The following UBXN2B variants were observed in gnomAD, a reference collection of about 807,000 sequenced individuals.
UBXN2B encodes UBX domain protein 2B.
A neutral mutation model predicts 37.5 loss-of-function variants in UBXN2B; 19 were observed. That is an observed-to-expected ratio of 0.51 (90% CI 0.35 to 0.74). The LOEUF (loss-of-function observed/expected upper bound fraction) is 0.74. Among genes scored for constraint, UBXN2B ranks in the 30% least tolerant of loss-of-function variants. The pLI, the probability that UBXN2B is intolerant of heterozygous loss-of-function variation, is 0.01. For synonymous variants in UBXN2B, 145 were observed against 143.8 expected, an observed-to-expected ratio of 1.01 and a Z score of -0.06; for missense variants, 370 against 393.2, an observed-to-expected ratio of 0.94 and a Z score of 0.50.
intron 2 of UBXN2B, among the ~76,000 whole-genome samples, chr8:58,430,113 G>GATCTAACTAGATCTAGATCTAAAGATC (rs1808204830): frequency 6.6e-6 from 1 of 152,140 alleles, no homozygotes; most frequent in Non-Finnish European, 1.5e-5. Flanking sequence ...TAAAGATCTC[G>GATCTAACTAGATCTAGATCTAAAGATC]TCACTAACTA....
At chr8:58,428,855 G>T (rs544744845) in intron 2 of UBXN2B, among the ~76,000 whole-genome samples, 1 of 152,332 alleles carries the variant, frequency 6.6e-6, no homozygotes, top group South Asian at 2.1e-4. Flanking sequence ...TGACAGTGCA[G>T]AGCAGTGAGG....
intron 4 of UBXN2B, among the ~76,000 whole-genome samples, chr8:58,433,674 G>A (rs943289934): frequency 4.0e-5 from 6 of 150,416 alleles, no homozygotes; most frequent in African/African-American, 7.3e-5. Flanking sequence ...AGTGGCTCAC[G>A]CCTATAATCC....
At chr8:58,434,813 G>A in intron 5 of UBXN2B, 1 of 1,534,840 alleles carries the variant, frequency 6.5e-7, no homozygotes, top group Non-Finnish European at 8.7e-7. Flanking sequence ...TAATTAGTAT[G>A]TAGCTGCCCA....
intron 5 of UBXN2B, among the ~76,000 whole-genome samples, chr8:58,435,487 G>T (rs1395776240): frequency 6.6e-6 from 1 of 152,164 alleles, no homozygotes; most frequent in Non-Finnish European, 1.5e-5. Flanking sequence ...GCAAATACAG[G>T]ATATAATGGT....
chr8:58,424,841 A>G, intron 2 of UBXN2B: 22 of 1,411,106 alleles, frequency 1.6e-5, no homozygotes, highest in Non-Finnish European at 2.2e-5. Flanking sequence ...ATAAATCGGT[A>G]CTGTGTTTCT....
intron 5 of UBXN2B, among the ~76,000 whole-genome samples, chr8:58,437,690 G>C (rs1808449507): frequency 6.6e-6 from 1 of 152,128 alleles, no homozygotes; most frequent in African/African-American, 2.4e-5. Context: ...ACAACCTGTG[G>C]TCAGACATAG....
intron 1 of UBXN2B, 93 bp from the exon 2 acceptor site, chr8:58,416,757 C>T (rs1350478711): frequency 9.6e-7 from 1 of 1,036,740 alleles, no homozygotes; most frequent in Non-Finnish European, 1.3e-6. Flanking sequence ...CTTTACCACT[C>T]AATTTTAAGT....
At chr8:58,437,129 G>A (rs76980309) in intron 5 of UBXN2B, among the ~76,000 whole-genome samples, 3,183 of 152,198 alleles carry the variant, frequency 0.021, 68 homozygotes, top group East Asian at 0.11. Flanking sequence ...AGTATTGATA[G>A]AAATATGGAC....
intron 2 of UBXN2B, among the ~76,000 whole-genome samples, chr8:58,422,945 T>G (rs1807965921): frequency 6.6e-6 from 1 of 152,244 alleles, no homozygotes; most frequent in East Asian, 1.9e-4. Context: ...TGGCAGTGGT[T>G]GTGACCGTCT....
chr8:58,422,866 A>G (rs1420844822), intron 2 of UBXN2B, among the ~76,000 whole-genome samples: 1 of 152,172 alleles, frequency 6.6e-6, no homozygotes, highest in East Asian at 1.9e-4. Flanking sequence ...TGTCTCAGCT[A>G]CTGTAAGCAG....
chr8:58,426,152 G>GA, intron 2 of UBXN2B: 1 of 964,892 alleles, frequency 1.0e-6, no homozygotes, highest in Non-Finnish European at 1.7e-6. Flanking sequence ...AGCCAAAGTG[G>GA]AAAATTTCTC....
intron 2 of UBXN2B, chr8:58,426,385 T>C (rs1808089874): frequency 2.0e-6 from 1 of 499,756 alleles, no homozygotes; most frequent in Non-Finnish European, 3.6e-6. Context: ...TTTTTTGTAT[T>C]TTTTAGTAGA....
chr8:58,439,676 G>A lies in UBXN2B; in HGVS notation c.577G>A (p.Val193Met). The change falls in exon 6 of 8, where the codon GTG becomes ATG. Residue 193 changes from valine to methionine, a missense_variant. This residue lies in a region of UBXN2B where 90 missense variants were observed against 139.4 expected (regional missense o/e 0.65). Transcript: ENST00000399598. ...TCAGCGCCTTGTTCATGGTGGCCAA[G>A]TGAATTTGGATATGGAGGATCATCA... ...ELQRLVHGGQ[V>M]NLDMEDHQDQ... 6.2e-7 allele frequency: 1 copy of A among 1,612,040 alleles called. No individual in the cohort carries two copies. Among genetic ancestry groups the A allele is most frequent in the East Asian group, 2.2e-5 (1 of 44,792 alleles).
At chr8:58,427,539 A>G (rs1281441891) in intron 2 of UBXN2B, among the ~76,000 whole-genome samples, 2 of 152,176 alleles carry the variant, frequency 1.3e-5, no homozygotes, top group Non-Finnish European at 2.9e-5. Context: ...AATGCAGGAT[A>G]TTTTAAAGGT....
At chr8:58,417,491 C>A (rs775343243) in intron 2 of UBXN2B, among the ~76,000 whole-genome samples, 8 of 152,090 alleles carry the variant, frequency 5.3e-5, no homozygotes, top group South Asian at 2.1e-4. Context: ...TGTGTGACCT[C>A]CTAAATAGTA....
rs1013152750 is a variant in UBXN2B, at chr8:58,434,365, A to T, written c.424-30A>T. ...TATATGTGAATATATATATATATATATATATTTTTTTTTTTTCTATACCCA... is the reference window on the plus strand; with the variant it reads ...TATATGTGAATATATATATATATATTTATATTTTTTTTTTTTCTATACCCA... On this transcript the variant is annotated intron_variant, in intron 4 of 7. Transcript: ENST00000399598. 899 of 558,380 alleles carry T rather than the reference A, an allele frequency of 1.6e-3. 9 individuals are homozygous for T. The African/African-American group carries it at 0.024, about 15-fold the overall frequency. The allele number at this position is 558,380 out of a possible 1,614,324, so 34.6% of individuals were successfully genotyped here.
intron 1 of UBXN2B, among the ~76,000 whole-genome samples, chr8:58,415,496 G>A (rs959485565): frequency 6.6e-6 from 1 of 151,696 alleles, no homozygotes; most frequent in Non-Finnish European, 1.5e-5. Flanking sequence ...AGTAGTAAAG[G>A]ACCATAAGGA....
chr8:58,419,925 G>A (rs1440825997), intron 2 of UBXN2B, among the ~76,000 whole-genome samples: 1 of 152,222 alleles, frequency 6.6e-6, no homozygotes, highest in Non-Finnish European at 1.5e-5. Context: ...TGCTGTTACT[G>A]TTTTGAAATT....
chr8:58,425,342 T>C (rs994457214), intron 2 of UBXN2B: 20 of 1,154,432 alleles, frequency 1.7e-5, no homozygotes, highest in African/African-American at 1.7e-4. Flanking sequence ...TGGAATACCA[T>C]CCGCCAAAAG....
Sources: allele counts gnomAD v4.1 joint callset (sites outside exome capture counted in the v4.1 genomes callset), GRCh38; gene constraint gnomAD v4.1.1; regional missense constraint gnomAD v4.1.1; transcripts MANE v1.5; gene names NCBI Gene and HGNC (gene_info 2026-07-23, HGNC 2026-07-21).